TNFRSF12A: variants seen among roughly 807,000 people sequenced by gnomAD.
TNFRSF12A encodes TNF receptor superfamily member 12A, also known as tumor necrosis factor receptor superfamily member 12A.
A neutral mutation model predicts 15.5 loss-of-function variants in TNFRSF12A; 13 were observed. The observed-to-expected ratio is 0.84, with a 90% CI of 0.54 to 1.33. The LOEUF (loss-of-function observed/expected upper bound fraction) is 1.33, where lower values mean the gene tolerates loss of function less well. TNFRSF12A is among the 40% of genes most tolerant of loss of function. The pLI is 0.00. For synonymous variants in TNFRSF12A, 89 were observed against 78.4 expected (o/e 1.14, Z -0.71); for missense variants, 174 against 173.6 (o/e 1.00, Z -0.01).
chr16:3,021,495 T>C, intron 2 of TNFRSF12A, 60 bp from the exon 3 acceptor site: 2 of 1,508,974 alleles, frequency 1.3e-6, no homozygotes, highest in South Asian at 1.3e-5. Context: ...GAAGGCTCAG[T>C]CTTAGGGGGC....
Position 3,021,782 on chromosome 16 carries a change from G to C in TNFRSF12A, c.346G>C (p.Glu116Gln). 6.2e-7 allele frequency: 1 copy of C among 1,613,392 alleles called. No individual in the cohort carries two copies. The highest frequency in any genetic ancestry group is 8.5e-7 in the Non-Finnish European group (1 of 1,179,780). Reference sequence around the variant, plus strand: ...CTCTTATCTTGCAGCCCCCATAGAGGAGACCGGCGGAGAGGGCTGCCCAGC... The same window carrying C: ...CTCTTATCTTGCAGCCCCCATAGAGCAGACCGGCGGAGAGGGCTGCCCAGC... The part of the protein sequence containing the change: ...RREKFTTPIE[E>Q]TGGEGCPAVA... Residue 116 changes from glutamate to glutamine, a missense_variant, in exon 4 of 4, where the codon GAG becomes CAG. Physicochemically the swap from Glu to Gln is conservative, Grantham distance 29. Coordinates refer to ENST00000326577, the MANE Select transcript of TNFRSF12A (RefSeq NM_016639.3).
chr16:3,021,385 G>C (rs2072609860), intron 2 of TNFRSF12A, 66 bp downstream of exon 2: 7 of 1,445,346 alleles, frequency 4.8e-6, no homozygotes, highest in Middle Eastern at 4.0e-4. Context: ...CTGGTGCGCA[G>C]AGCGGGGCCG....
At chr16:3,020,768 G>C in intron 1 of TNFRSF12A, 1 of 399,642 alleles carries the variant, frequency 2.5e-6, no homozygotes, top group Non-Finnish European at 4.4e-6. Context: ...AAGTGAGTGA[G>C]GGCGGGATGT....
In TNFRSF12A at chr16:3,021,524, GGCGAGGTCTGACT is replaced by G. The variant is rs761612080; in HGVS notation, c.200-30_200-18del. On this transcript the variant is annotated intron_variant, in intron 2 of 3. Transcript: ENST00000326577. ...AGGGGGCGGGGCTGGCCTGGAGAGG[GGCGAGGTCTGACT>G]CCGAGTCCCGCCCCCAGGCGCTGCA... 1 of 1,561,860 alleles carries G rather than the reference GGCGAGGTCTGACT, an allele frequency of 6.4e-7. No homozygotes were observed. The highest frequency in any genetic ancestry group is 1.2e-5 in the South Asian group (1 of 84,790).
intron 1 of TNFRSF12A, chr16:3,020,984 C>A (rs1482373435): frequency 4.1e-6 from 2 of 489,064 alleles, no homozygotes; most frequent in African/African-American, 2.0e-5. Context: ...GAGTGAGTCA[C>A]CCGCCGGCGG....
In TNFRSF12A at chr16:3,020,421, G is replaced by A; in HGVS notation, c.24G>A (p.Arg8=). 7.7e-7 allele frequency: 1 copy of A among 1,291,740 alleles called. No individual in the cohort carries two copies. The highest frequency in any genetic ancestry group is 3.3e-5 in the South Asian group (1 of 30,740). The allele number at this position is 1,291,740 out of a possible 1,614,324, so 80.0% of individuals were successfully genotyped here. A position where few individuals can be genotyped will look rare whatever the true frequency, so the allele number is the denominator to read the frequency against. The change falls in exon 1 of 4, where the codon CGG becomes CGA. Residue 8 remains arginine, a synonymous_variant. Transcript: ENST00000326577. MARGSLR[R]LLRLLVLGLW... ...CTATGGCTCGGGGCTCGCTGCGCCG[G>A]TTGCTGCGGCTCCTCGTGCTGGGGC...
rs999330253 is a variant in TNFRSF12A at position 3,021,613 on chromosome 16, G to A, written c.258G>A (p.Leu86=). 13 of 1,613,554 alleles carry A rather than the reference G, an allele frequency of 8.1e-6. No homozygotes were observed. Among genetic ancestry groups the A allele is most frequent in the Non-Finnish European group, 1.1e-5 (13 of 1,179,970 alleles). ...TTTGGCCCATCCTTGGGGGCGCTCTGAGCCTGACCTTCGTGCTGGGGCTGC... is the reference window on the plus strand; with the variant it reads ...TTTGGCCCATCCTTGGGGGCGCTCTAAGCCTGACCTTCGTGCTGGGGCTGC... ...RLLWPILGGA[L]SLTFVLGLLS... Residue 86 remains leucine, a synonymous_variant, in exon 3 of 4, where the codon CTG becomes CTA. Coordinates refer to ENST00000326577, the MANE Select transcript of TNFRSF12A (RefSeq NM_016639.3).
At position 3,022,186 on chromosome 16, in the gene TNFRSF12A, G is replaced by A. The variant is rs2072620453; in HGVS notation, c.*360G>A. Reference sequence around the variant, plus strand: ...CTTGACACTAGGCCCCACTCACTCAGATGTCCTGAAATTCCACCACGGGGG... The same window carrying A: ...CTTGACACTAGGCCCCACTCACTCAAATGTCCTGAAATTCCACCACGGGGG... On this transcript the variant is annotated 3_prime_UTR_variant, in exon 4 of 4. Transcript: ENST00000326577. 1 of 412,576 alleles carries A rather than the reference G, an allele frequency of 2.4e-6. No individual in the cohort carries two copies. The highest frequency in any genetic ancestry group is 2.1e-5 in the African/African-American group (1 of 48,660). The allele number at this position is 412,576 out of a possible 1,614,324, so 25.6% of individuals were successfully genotyped here. A position where few individuals can be genotyped will look rare whatever the true frequency, so the allele number is the denominator to read the frequency against.
In TNFRSF12A at chr16:3,022,031, C is replaced by G. The variant is rs1338954225; in HGVS notation, c.*205C>G. On this transcript the variant is annotated 3_prime_UTR_variant, in exon 4 of 4. Coordinates refer to ENST00000326577, the MANE Select transcript of TNFRSF12A (RefSeq NM_016639.3). ...GGTTGCCCTGCCTCTGGCTCCAGAA[C>G]AGAAAGGGAGCCTCACGCTGGCTCA... 1 of 574,714 alleles carries G rather than the reference C, an allele frequency of 1.7e-6. No individual in the cohort carries two copies. Among genetic ancestry groups the G allele is most frequent in the Non-Finnish European group, 3.0e-6 (1 of 328,414 alleles). The allele number at this position is 574,714 out of a possible 1,614,324, so 35.6% of individuals were successfully genotyped here.
Position 3,021,801 on chromosome 16 carries a change from G to GC in TNFRSF12A, c.368dup (p.Ala124SerfsTer50). Reference sequence around the variant, plus strand: ...ATAGAGGAGACCGGCGGAGAGGGCTGCCCAGCTGTGGCGCTGATCCAGTGA... The same window carrying GC: ...ATAGAGGAGACCGGCGGAGAGGGCTGCCCCAGCTGTGGCGCTGATCCAGTGA... On this transcript the variant is annotated frameshift_variant, in exon 4 of 4. Transcript: ENST00000326577. LOFTEE classifies it high-confidence loss of function. 1 of 1,613,192 alleles carries GC rather than the reference G, an allele frequency of 6.2e-7. No individual in the cohort carries two copies.
At position 3,022,250 on chromosome 16, in the gene TNFRSF12A, G is replaced by T. The variant is rs1002006199; in HGVS notation, c.*424G>T. On this transcript the variant is annotated 3_prime_UTR_variant, in exon 4 of 4. Coordinates refer to ENST00000326577, the MANE Select transcript of TNFRSF12A (RefSeq NM_016639.3). Reference sequence around the variant, plus strand: ...TTAGGGACCTATTTTTAACACTAGGGGGCTGGCCCACTAGGAGGGCTGGCC... The same window carrying T: ...TTAGGGACCTATTTTTAACACTAGGTGGCTGGCCCACTAGGAGGGCTGGCC... 1.9e-4 allele frequency: 64 copies of T among 336,866 alleles called. No homozygotes were observed. The highest frequency in any genetic ancestry group is 2.7e-5 in the Non-Finnish European group (5 of 186,704). The allele number at this position is 336,866 out of a possible 1,614,324, so 20.9% of individuals were successfully genotyped here. A position where few individuals can be genotyped will look rare whatever the true frequency, so the allele number is the denominator to read the frequency against.
At position 3,020,379 on chromosome 16, in the gene TNFRSF12A, C is replaced by G; in HGVS notation, c.-19C>G. The G allele has an allele frequency of 7.8e-7, 1 of 1,282,292 alleles. No homozygotes were observed. Among genetic ancestry groups the G allele is most frequent in the Non-Finnish European group, 9.9e-7 (1 of 1,013,940 alleles). 79.4% of individuals were successfully genotyped at this position (1,282,292 alleles called of 1,614,324 possible). ...GGCCGGCGGCGGGCGCAGACAGCGG[C>G]GGGCGCAGGACGTGCACTATGGCTC... is the stretch of plus-strand genomic sequence containing the variant. On this transcript the variant is annotated 5_prime_UTR_variant, in exon 1 of 4. Coordinates refer to ENST00000326577, the MANE Select transcript of TNFRSF12A (RefSeq NM_016639.3).
chr16:3,022,100 A>C lies in TNFRSF12A; in HGVS notation c.*274A>C. The C allele has an allele frequency of 4.4e-6, 2 of 456,964 alleles. No individual in the cohort carries two copies. Among genetic ancestry groups the C allele is most frequent in the Admixed American group, 4.2e-5 (1 of 23,606 alleles). The allele number at this position is 456,964 out of a possible 1,614,324, so 28.3% of individuals were successfully genotyped here. On this transcript the variant is annotated 3_prime_UTR_variant, in exon 4 of 4. Coordinates refer to ENST00000326577, the MANE Select transcript of TNFRSF12A (RefSeq NM_016639.3). ...GACTAAGGAACTGCAGCATTTGCAC[A>C]GGGGAGGGGGGTGCCCTCCTTCCTA... is the stretch of plus-strand genomic sequence containing the variant.
In TNFRSF12A at chr16:3,021,715, C is replaced by T. The variant is rs370784255; in HGVS notation, c.334+26C>T. 9.3e-6 allele frequency: 15 copies of T among 1,611,838 alleles called. No individual in the cohort carries two copies. In the Admixed American group the frequency reaches 2.2e-4, roughly 23 times the overall value. ...GTAAGTGTGCCCTGGCCTGCCCAGCCCTGTCAGCACTCGACCTTTTCTCTG... is the reference window on the plus strand; with the variant it reads ...GTAAGTGTGCCCTGGCCTGCCCAGCTCTGTCAGCACTCGACCTTTTCTCTG... On this transcript the variant is annotated intron_variant, in intron 3 of 3. Coordinates refer to ENST00000326577, the MANE Select transcript of TNFRSF12A (RefSeq NM_016639.3).
chr16:3,021,904 A>C lies in TNFRSF12A; in HGVS notation c.*78A>C. On this transcript the variant is annotated 3_prime_UTR_variant, in exon 4 of 4. Coordinates refer to ENST00000326577, the MANE Select transcript of TNFRSF12A (RefSeq NM_016639.3). ...TCTAGAGCCAGTCTCTGCCTCCCAG[A>C]CGCGGCGGGAGCCAAGCTCCTCCAA... The C allele has an allele frequency of 6.6e-7, 1 of 1,522,388 alleles. No individual in the cohort carries two copies. Among genetic ancestry groups the C allele is most frequent in the Non-Finnish European group, 8.9e-7 (1 of 1,124,536 alleles). The allele number at this position is 1,522,388 out of a possible 1,614,324, so 94.3% of individuals were successfully genotyped here. A position where few individuals can be genotyped will look rare whatever the true frequency, so the allele number is the denominator to read the frequency against.
In TNFRSF12A at chr16:3,021,937, G is replaced by C. The variant is rs766775256; in HGVS notation, c.*111G>C. 8.1e-7 allele frequency: 1 copy of C among 1,235,970 alleles called. No individual in the cohort carries two copies. The highest frequency in any genetic ancestry group is 1.1e-6 in the Non-Finnish European group (1 of 888,662). The allele number at this position is 1,235,970 out of a possible 1,614,324, so 76.6% of individuals were successfully genotyped here. The stretch of plus-strand genomic sequence containing the variant: ...GGAGCCAAGCTCCTCCAACCACAAG[G>C]GGGGTGGGGGGCGGTGAATCACCTC... On this transcript the variant is annotated 3_prime_UTR_variant, in exon 4 of 4. Coordinates refer to ENST00000326577, the MANE Select transcript of TNFRSF12A (RefSeq NM_016639.3).
At chr16:3,020,798 G>C in intron 1 of TNFRSF12A, 1 of 400,088 alleles carries the variant, frequency 2.5e-6, no homozygotes, top group Non-Finnish European at 4.4e-6. Context: ...GAAGGGGCAC[G>C]CCCCCAGCCT....
chr16:3,021,562 A>T lies in TNFRSF12A; in HGVS notation c.207A>T (p.Ala69=), dbSNP rs2072612054. 1 of 1,607,774 alleles carries T rather than the reference A, an allele frequency of 6.2e-7. No individual in the cohort carries two copies. Among genetic ancestry groups the T allele is most frequent in the Admixed American group, 1.7e-5 (1 of 59,290 alleles). The change falls in exon 3 of 4, where the codon GCA becomes GCT. Residue 69 remains alanine, a synonymous_variant. Coordinates refer to ENST00000326577, the MANE Select transcript of TNFRSF12A (RefSeq NM_016639.3). ...TCCGAGTCCCGCCCCCAGGCGCTGC[A>T]GCACCTCCTGCCCCCTTCCGGCTGC... ...PHSDFCLGCA[A]APPAPFRLLW...
At chr16:3,020,977 T>G in intron 1 of TNFRSF12A, 1 of 480,392 alleles carries the variant, frequency 2.1e-6, no homozygotes. Context: ...TGCCCAGGAG[T>G]GAGTCACCCG....
Sources: gnomAD v4.1 joint callset for allele counts on GRCh38, gnomAD v4.1.1 for gene constraint, MANE v1.5 for transcripts, NCBI Gene and HGNC (gene_info 2026-07-23, HGNC 2026-07-21) for gene names.